LCA5: variants seen among roughly 807,000 people sequenced by gnomAD.
LCA5 encodes the protein lebercilin LCA5, also known as lebercilin.
LCA5 carries 37 observed loss-of-function variants against 53.0 expected under a neutral mutation model. That is an observed-to-expected ratio of 0.70 (90% CI 0.54 to 0.92). The LOEUF (loss-of-function observed/expected upper bound fraction) is 0.92. Ranked by LOEUF, LCA5 falls within the 40% of genes least tolerant of loss-of-function variation. The pLI, the probability that LCA5 is intolerant of heterozygous loss-of-function variation, is 0.00. For missense variants in LCA5, 806 were observed against 790.5 expected, an observed-to-expected ratio of 1.02 and a Z score of -0.23; for synonymous variants, 303 against 282.9, an observed-to-expected ratio of 1.07 and a Z score of -0.71.
intron 1 of LCA5, 121 bp from the exon 2 acceptor site, chr6:79,519,206 C>T (rs1766547373): frequency 2.7e-6 from 1 of 370,552 alleles, no homozygotes; most frequent in African/African-American, 2.1e-5. Context: ...AAAGAGGCTA[C>T]AATTTATCTA....
At chr6:79,528,218 T>C (rs990304083) in intron 1 of LCA5, among the ~76,000 whole-genome samples, 9 of 152,178 alleles carry the variant, frequency 5.9e-5, no homozygotes, top group African/African-American at 2.2e-4. Flanking sequence ...CTTTCCTGCA[T>C]TGCGGAGGTC....
chr6:79,493,507 T>C lies in LCA5; in HGVS notation c.858+106A>G, dbSNP rs144535812. 65 of 1,069,294 alleles carry C rather than the reference T, an allele frequency of 6.1e-5. 1 individual carries two copies. The African/African-American group carries it at 7.8e-4, about 13-fold the overall frequency. 66.2% of individuals were successfully genotyped at this position (1,069,294 alleles called of 1,614,324 possible). On this transcript the variant is annotated intron_variant, in intron 4 of 7. Coordinates refer to ENST00000369846, the MANE Select transcript of LCA5 (RefSeq NM_001122769.3). ...AAGATAATATCAGAATTTTGTAAAT[T>C]ATATTGTACCAACTTACAAATATGA...
At chr6:79,515,927 T>C (rs1246338145) in intron 2 of LCA5, among the ~76,000 whole-genome samples, 1 of 152,080 alleles carries the variant, frequency 6.6e-6, no homozygotes, top group African/African-American at 2.4e-5. Flanking sequence ...CTATCCATTA[T>C]GGTAGCCACT....
intron 1 of LCA5, among the ~76,000 whole-genome samples, chr6:79,519,635 C>T (rs1026976512): frequency 8.0e-5 from 12 of 149,340 alleles, no homozygotes; most frequent in East Asian, 2.0e-4. Flanking sequence ...GAGAATCGCT[C>T]GAACCCAGGA....
rs923063462 is a variant in LCA5 at position 79,489,486 on chromosome 6, C to G, written c.1099-270G>C. ...TAAAGCCAAAACGGTACATAAAACC[C>G]TGAAGAGACAAGTTTTAGAAGTATC... On this transcript the variant is annotated intron_variant, in intron 6 of 7. Coordinates refer to ENST00000369846, the MANE Select transcript of LCA5 (RefSeq NM_001122769.3). Among the ~76,000 whole-genome samples, 6 of 152,082 alleles carry G rather than the reference C, an allele frequency of 3.9e-5. No homozygotes were observed. The South Asian group carries it at 6.2e-4, about 16-fold the overall frequency.
At chr6:79,499,112 C>T (rs1323673701) in intron 3 of LCA5, among the ~76,000 whole-genome samples, 1 of 151,906 alleles carries the variant, frequency 6.6e-6, no homozygotes, top group African/African-American at 2.4e-5. Flanking sequence ...AAACAAAAAC[C>T]CTAGCAAGCC....
Position 79,513,638 on chromosome 6 carries a change from A to T in LCA5, c.294T>A (p.Asp98Glu), listed in dbSNP as rs781711243. 3.1e-6 allele frequency: 5 copies of T among 1,613,896 alleles called. No homozygotes were observed. Among genetic ancestry groups the T allele is most frequent in the Non-Finnish European group, 4.2e-6 (5 of 1,179,840 alleles). ...CAGACAGAATCCGTTTTGTAACAAG[A>T]TCAGTATCTTTCCGAAGTGGCTCTC... is the stretch of plus-strand genomic sequence containing the variant. The part of the protein sequence containing the change: ...LNREPLRKDT[D>E]LVTKRILSAR... The change falls in exon 3 of 8, where the codon GAT (aspartate) becomes GAA (glutamate). Residue 98 changes from aspartate (D) to glutamate (E), a missense_variant. Coordinates refer to ENST00000369846, the MANE Select transcript of LCA5 (RefSeq NM_001122769.3).
rs116210277 is a variant in LCA5, at chr6:79,533,152, C to A, written c.-192+4013G>T. 5.4e-3 allele frequency among the ~76,000 whole-genome samples: 825 copies of A among 152,136 alleles called. 9 individuals are homozygous for A. Among genetic ancestry groups the A allele is most frequent in the African/African-American group, 0.019 (780 of 41,534 alleles). On this transcript the variant is annotated intron_variant, in intron 1 of 7. Transcript: ENST00000369846. Reference sequence around the variant, plus strand: ...AAGGTTTCAAACAAAAGGAATTTCACCTGCAGTTACAACAGTAATTTCTGA... The same window carrying A: ...AAGGTTTCAAACAAAAGGAATTTCAACTGCAGTTACAACAGTAATTTCTGA...
intron 2 of LCA5, among the ~76,000 whole-genome samples, chr6:79,517,304 CA>C (rs973066050): frequency 6.6e-6 from 1 of 152,064 alleles, no homozygotes; most frequent in African/African-American, 2.4e-5. Context: ...ATTACCTTCT[CA>C]AATAAGGTAA....
chr6:79,492,029 C>G (rs1159410650), intron 5 of LCA5, among the ~76,000 whole-genome samples: 1 of 151,882 alleles, frequency 6.6e-6, no homozygotes, highest in African/African-American at 2.4e-5. Context: ...AATTTCACAA[C>G]ATTTATACTT....
chr6:79,521,663 A>T (rs1321489053), intron 1 of LCA5, among the ~76,000 whole-genome samples: 3 of 152,196 alleles, frequency 2.0e-5, no homozygotes, highest in African/African-American at 7.2e-5. Context: ...ATTTAAAAAA[A>T]ACTTCTTCAC....
intron 6 of LCA5, among the ~76,000 whole-genome samples, chr6:79,489,972 C>T (rs1769791941): frequency 6.6e-6 from 1 of 152,068 alleles, no homozygotes; most frequent in Non-Finnish European, 1.5e-5. Context: ...TGCTTCCCCT[C>T]CATTTCCTTG....
chr6:79,532,863 C>T (rs1042423899), intron 1 of LCA5, among the ~76,000 whole-genome samples: 8 of 152,098 alleles, frequency 5.3e-5, no homozygotes, highest in African/African-American at 1.4e-4. Context: ...AAACACACCA[C>T]CCACCATTCA....
intron 5 of LCA5, among the ~76,000 whole-genome samples, chr6:79,491,982 A>T (rs1015279444): frequency 2.0e-5 from 3 of 152,004 alleles, no homozygotes; most frequent in African/African-American, 7.2e-5. Flanking sequence ...ACTGGCAATT[A>T]TATGATTTGG....
chr6:79,487,692 G>A lies in LCA5; in HGVS notation c.1406C>T (p.Ala469Val). 1 of 1,613,720 alleles carries A rather than the reference G, an allele frequency of 6.2e-7. No individual in the cohort carries two copies. Among genetic ancestry groups the A allele is most frequent in the South Asian group, 1.1e-5 (1 of 91,076 alleles). Residue 469 changes from alanine (A) to valine (V), a missense_variant, in exon 8 of 8, where the codon GCT becomes GTT. Transcript: ENST00000369846. ...TTCTCTGTCAATTTCATTCAGTTTA[G>A]CAAGTAGCATTTCTCTCTTCAGTCT... ...EERLKREMLL[A>V]KLNEIDRELQ...
Position 79,487,299 on chromosome 6 carries a change from T to C in LCA5, c.1799A>G (p.Lys600Arg). 1 of 1,613,626 alleles carries C rather than the reference T, an allele frequency of 6.2e-7. No homozygotes were observed. The highest frequency in any genetic ancestry group is 8.5e-7 in the Non-Finnish European group (1 of 1,179,820). The change falls in exon 8 of 8, where the codon AAA becomes AGA. Residue 600 changes from lysine (K) to arginine (R), a missense_variant. Physicochemically the swap from Lys to Arg is conservative, Grantham distance 26. Coordinates refer to ENST00000369846, the MANE Select transcript of LCA5 (RefSeq NM_001122769.3). ...TAACTGTTCCATCAAATTAGCTTTT[T>C]TCTCTTTTCTTGTAATTAAATCTAC... ...DGVDLITRKEKKANLMEQLFG... is the reference protein window; with the variant it reads ...DGVDLITRKERKANLMEQLFG...
At position 79,486,920 on chromosome 6, in the gene LCA5, A is replaced by G. The variant is rs1769673083; in HGVS notation, c.*84T>C. 1.8e-6 allele frequency: 2 copies of G among 1,142,158 alleles called. No individual in the cohort carries two copies. Among genetic ancestry groups the G allele is most frequent in the Non-Finnish European group, 2.5e-6 (2 of 813,008 alleles). The allele number at this position is 1,142,158 out of a possible 1,614,324, so 70.8% of individuals were successfully genotyped here. ...CATTCCTTAATAAGGACATTTTAGC[A>G]TTAAAAAGTCTAAATGTTTATAATA... On this transcript the variant is annotated 3_prime_UTR_variant, in exon 8 of 8. Transcript: ENST00000369846.
At chr6:79,533,865 G>C (rs79925793) in intron 1 of LCA5, among the ~76,000 whole-genome samples, 2,712 of 151,798 alleles carry the variant, frequency 0.018, 77 homozygotes, top group African/African-American at 0.062. Context: ...AGCTTCTTTA[G>C]ATAAAACATT....
chr6:79,499,819 GTATCTCC>G (rs893698156), intron 3 of LCA5, among the ~76,000 whole-genome samples: 3 of 151,344 alleles, frequency 2.0e-5, no homozygotes, highest in Non-Finnish European at 4.4e-5. Flanking sequence ...AGCATTAGGT[GTATCTCC>G]TAATGCTATC....
Sources: gnomAD v4.1 joint callset for allele counts (sites outside exome capture counted in the v4.1 genomes callset) on GRCh38, gnomAD v4.1.1 for gene constraint, MANE v1.5 for transcripts, NCBI Gene and HGNC (gene_info 2026-07-23, HGNC 2026-07-21) for gene names.